The following SAMSN1 variants were observed in gnomAD, a reference collection of about 807,000 sequenced individuals.
SAMSN1 encodes SAM domain, SH3 domain and nuclear localization signals 1.
A neutral mutation model predicts 42.0 loss-of-function variants in SAMSN1; 31 were observed. The observed-to-expected ratio is 0.74, with a 90% CI of 0.55 to 1.00. The LOEUF (loss-of-function observed/expected upper bound fraction) is 1.00. Ranked by LOEUF, SAMSN1 falls within the 50% of genes least tolerant of loss-of-function variation. The probability of loss-of-function intolerance (pLI) is 0.00; values close to 1 mark genes in which losing one functional copy is unlikely to be tolerated. For synonymous variants in SAMSN1, 178 were observed against 151.9 expected, an observed-to-expected ratio of 1.17 and a Z score of -1.26; for missense variants, 464 against 439.4, an observed-to-expected ratio of 1.06 and a Z score of -0.50.
chr21:14,641,722 A>T (rs1268302446), intron 2 of SAMSN1, among the ~76,000 whole-genome samples: 2 of 152,186 alleles, frequency 1.3e-5, no homozygotes, highest in Non-Finnish European at 2.9e-5. Context: ...GAAGTTCTTT[A>T]TCTGTAGTAG....
At chr21:14,546,403 T>C, upstream of SAMSN1, 1 of 1,385,010 alleles carries the variant, frequency 7.2e-7, no homozygotes, top group Non-Finnish European at 9.4e-7. Context: ...AGTCAGGATA[T>C]GACTTCAACA....
chr21:14,627,153 G>A (rs1167517925), intron 2 of SAMSN1, among the ~76,000 whole-genome samples: 1 of 152,110 alleles, frequency 6.6e-6, no homozygotes, highest in African/African-American at 2.4e-5. Flanking sequence ...GGAAGGGATA[G>A]CATTAGGAGA....
At chr21:14,554,157 T>C (rs1195982363) in intron 2 of SAMSN1, among the ~76,000 whole-genome samples, 1 of 152,186 alleles carries the variant, frequency 6.6e-6, no homozygotes, top group Non-Finnish European at 1.5e-5. Flanking sequence ...TTTCTGATTG[T>C]TCACTTTTCA....
chr21:14,656,987 A>G (rs1452224180), intron 1 of SAMSN1, among the ~76,000 whole-genome samples: 1 of 151,626 alleles, frequency 6.6e-6, no homozygotes, highest in Non-Finnish European at 1.5e-5. Flanking sequence ...GCAGTGTCCC[A>G]TATGTTCACA....
intron 2 of SAMSN1, among the ~76,000 whole-genome samples, chr21:14,637,769 G>T (rs1394068995): frequency 1.3e-5 from 2 of 152,118 alleles, no homozygotes; most frequent in Non-Finnish European, 2.9e-5. Context: ...GTATTGCAGA[G>T]GGGTTGTTAT....
chr21:14,592,307 A>G (rs1225053910), intron 7 of SAMSN1: 2 of 152,544 alleles, frequency 1.3e-5, no homozygotes, highest in East Asian at 3.8e-4. Context: ...TTAAGTATCT[A>G]TTGGATTCTT....
chr21:14,606,324 G>A (rs1276049402), intron 5 of SAMSN1, among the ~76,000 whole-genome samples: 1 of 152,054 alleles, frequency 6.6e-6, no homozygotes, highest in African/African-American at 2.4e-5. Flanking sequence ...AAAAATTTCT[G>A]AATCTCCAAA....
At chr21:14,567,206 CA>C (rs1225272215) in intron 2 of SAMSN1, among the ~76,000 whole-genome samples, 1 of 148,046 alleles carries the variant, frequency 6.8e-6, no homozygotes, top group Non-Finnish European at 1.5e-5. Flanking sequence ...AGGAAAATAA[CA>C]GTAAAGAACA....
At chr21:14,591,135 CATT>C (rs762972554) in intron 7 of SAMSN1, among the ~76,000 whole-genome samples, 47 of 152,056 alleles carry the variant, frequency 3.1e-4, no homozygotes, top group Non-Finnish European at 6.0e-4. Flanking sequence ...ATTCGTATAT[CATT>C]ATAATTTTAA....
At chr21:14,490,786 A>G (rs1986651500) in intron 7 of SAMSN1, among the ~76,000 whole-genome samples, 1 of 152,158 alleles carries the variant, frequency 6.6e-6, no homozygotes, top group Admixed American at 6.5e-5. Flanking sequence ...CTCCTCTTGC[A>G]TATCTCTTTT....
At chr21:14,511,798 C>T (rs923729447) in intron 4 of SAMSN1, among the ~76,000 whole-genome samples, 2 of 152,168 alleles carry the variant, frequency 1.3e-5, no homozygotes, top group African/African-American at 2.4e-5. Context: ...AAATATTAAT[C>T]TTCATTAGAA....
chr21:14,657,782 G>A (rs1401560155), intron 1 of SAMSN1, among the ~76,000 whole-genome samples: 1 of 151,752 alleles, frequency 6.6e-6, no homozygotes, highest in Non-Finnish European at 1.5e-5. Flanking sequence ...ACAAGAACTC[G>A]ATGATTCAGC....
intron 2 of SAMSN1, among the ~76,000 whole-genome samples, chr21:14,570,387 GTCCAAGTGGAA>G (rs1568813179): frequency 6.6e-6 from 1 of 152,182 alleles, no homozygotes; most frequent in Non-Finnish European, 1.5e-5. Flanking sequence ...AATGGCCTAT[GTCCAAGTGGAA>G]TCAGGGGAGG....
chr21:14,507,543 T>A (rs1389163800), intron 5 of SAMSN1, among the ~76,000 whole-genome samples: 1 of 152,074 alleles, frequency 6.6e-6, no homozygotes, highest in Admixed American at 6.5e-5. Flanking sequence ...CTGAAAGAAA[T>A]CATAGATGGC....
intron 2 of SAMSN1, among the ~76,000 whole-genome samples, chr21:14,579,599 T>G (rs1010282866): frequency 6.6e-6 from 1 of 151,966 alleles, no homozygotes; most frequent in African/African-American, 2.4e-5. Flanking sequence ...CAAATATTTA[T>G]TTATTTATTT....
At chr21:14,588,604 A>G (rs1981994321) in intron 7 of SAMSN1, among the ~76,000 whole-genome samples, 1 of 152,254 alleles carries the variant, frequency 6.6e-6, no homozygotes, top group South Asian at 2.1e-4. Context: ...ACTGACCTCT[A>G]GAACTATGCT....
intron 2 of SAMSN1, among the ~76,000 whole-genome samples, chr21:14,628,449 T>C (rs1326132189): frequency 2.6e-5 from 4 of 151,950 alleles, no homozygotes; most frequent in South Asian, 2.1e-4. Context: ...AATTTTAAAA[T>C]TAAAAAAAGA....
At position 14,536,649 on chromosome 21, in the gene SAMSN1, T is replaced by C. The variant is rs191139889; in HGVS notation, c.57+9556A>G. Among the ~76,000 whole-genome samples the C allele has an allele frequency of 1.8e-4, 28 of 152,236 alleles. No individual in the cohort carries two copies. In the East Asian group the frequency reaches 5.2e-3, roughly 28 times the overall value. On this transcript the variant is annotated intron_variant, in intron 1 of 7. Transcript: ENST00000400566. ...AATTATTTAAAAGGTGCACTACGAA[T>C]TAAAATAAAATCCAATGGAAAATTA...
At chr21:14,487,083 C>A (rs906164569) in intron 7 of SAMSN1, among the ~76,000 whole-genome samples, 16 of 152,104 alleles carry the variant, frequency 1.1e-4, no homozygotes, top group Admixed American at 4.6e-4. Flanking sequence ...AGTACCATAT[C>A]TTCCTCTTTC....
Sources: allele counts gnomAD v4.1 joint callset (sites outside exome capture counted in the v4.1 genomes callset), GRCh38; gene constraint gnomAD v4.1.1; transcripts MANE v1.5; gene names NCBI Gene and HGNC (gene_info 2026-07-23, HGNC 2026-07-21).